KCNMA1: variants seen among roughly 807,000 people sequenced by gnomAD.
KCNMA1 encodes the protein potassium calcium-activated channel subfamily M alpha 1, also known as Calcium-activated potassium channel subunit alpha-1.
In KCNMA1, 29 loss-of-function variants were observed where a neutral mutation model predicts 140.0. That is an observed-to-expected ratio of 0.21 (90% CI 0.15 to 0.28). The LOEUF is 0.28. Among genes scored for constraint, KCNMA1 ranks in the 10% least tolerant of loss-of-function variants. The pLI, the probability that KCNMA1 is intolerant of heterozygous loss-of-function variation, is 1.00. For missense variants in KCNMA1, 880 were observed against 1,602.2 expected (o/e 0.55, Z 7.70); for synonymous variants, 612 against 611.9 (o/e 1.00, Z 0.00).
intron 25 of KCNMA1, among the ~76,000 whole-genome samples, chr10:76,897,011 T>TAC (rs3067677): frequency 0.11 from 15,650 of 142,648 alleles, 884 homozygotes; most frequent in African/African-American, 0.16. Flanking sequence ...AGGTGAAAAT[T>TAC]ACACACACAC....
At chr10:77,440,722 G>A (rs1194054101) in intron 1 of KCNMA1, among the ~76,000 whole-genome samples, 2 of 152,222 alleles carry the variant, frequency 1.3e-5, no homozygotes, top group Non-Finnish European at 1.5e-5. Flanking sequence ...AGGAAGCCTG[G>A]GAGGTTAAAT....
At chr10:77,177,544 G>T (rs921820125) in intron 5 of KCNMA1, among the ~76,000 whole-genome samples, 7 of 146,818 alleles carry the variant, frequency 4.8e-5, no homozygotes, top group Admixed American at 2.1e-4. Flanking sequence ...TTACTATGTT[G>T]CCCAGGTTGG....
At chr10:77,575,511 C>G (rs1311812148) in intron 1 of KCNMA1, among the ~76,000 whole-genome samples, 1 of 152,214 alleles carries the variant, frequency 6.6e-6, no homozygotes, top group Non-Finnish European at 1.5e-5. Context: ...AGCCCACTTT[C>G]TGGTGTGCCT....
At chr10:77,227,886 T>C (rs565144509) in intron 3 of KCNMA1, among the ~76,000 whole-genome samples, 1 of 152,130 alleles carries the variant, frequency 6.6e-6, no homozygotes, top group South Asian at 2.1e-4. Flanking sequence ...CTACCTACCC[T>C]GTAAGATGTT....
chr10:76,953,886 T>A lies in KCNMA1; in HGVS notation c.2399A>T (p.Asp800Val), dbSNP rs1406016698. The stretch of plus-strand genomic sequence containing the variant: ...CTTCTTCACATTGGAGTCCATGTTG[T>A]CAATCTGATCATTGCCAGGAATTAA... ...PLLIPGNDQI[D>V]NMDSNVKKYD... The change falls in exon 21 of 28, where the codon GAC becomes GTC. Residue 800 changes from aspartate (D) to valine (V), a missense_variant. Transcript: ENST00000286628. 1 of 1,613,990 alleles carries A rather than the reference T, an allele frequency of 6.2e-7. No homozygotes were observed. The highest frequency in any genetic ancestry group is 8.5e-7 in the Non-Finnish European group (1 of 1,179,886).
At chr10:77,619,452 T>TC (rs1341603367) in intron 1 of KCNMA1, among the ~76,000 whole-genome samples, 1 of 152,048 alleles carries the variant, frequency 6.6e-6, no homozygotes, top group Admixed American at 6.6e-5. Flanking sequence ...CCAGGGTTCT[T>TC]CCAACATAGC....
downstream of KCNMA1, among the ~76,000 whole-genome samples, chr10:76,882,428 C>T (rs942432380): frequency 6.6e-6 from 1 of 152,070 alleles, no homozygotes; most frequent in South Asian, 2.1e-4. Context: ...TTTCCTGTCC[C>T]GCGCTTGTGA....
rs1412599454 is a variant in KCNMA1 at position 76,970,083 on chromosome 10, GC to G, written c.2267-17del. 1 of 1,604,184 alleles carries G rather than the reference GC, an allele frequency of 6.2e-7. No individual in the cohort carries two copies. Among genetic ancestry groups the G allele is most frequent in the South Asian group, 1.1e-5 (1 of 90,884 alleles). On this transcript the variant is annotated splice_polypyrimidine_tract_variant and intron_variant, in intron 19 of 27. Transcript: ENST00000286628. ...TCATCTTCAACTGGAAATACAGGCA[GC>G]TCATGAGATTATGAACAGTTTGAGG... is the stretch of plus-strand genomic sequence containing the variant.
At chr10:76,980,953 G>A (rs111464842) in intron 19 of KCNMA1, among the ~76,000 whole-genome samples, 3,595 of 152,272 alleles carry the variant, frequency 0.024, 160 homozygotes, top group African/African-American at 0.081. Flanking sequence ...CCAATAAAAT[G>A]AGAATTAGAG....
At chr10:77,577,454 G>A (rs1184476713) in intron 1 of KCNMA1, among the ~76,000 whole-genome samples, 1 of 152,102 alleles carries the variant, frequency 6.6e-6, no homozygotes, top group Non-Finnish European at 1.5e-5. Flanking sequence ...CCGAGACTCA[G>A]CCTCCTTCCA....
intron 23 of KCNMA1, among the ~76,000 whole-genome samples, chr10:76,924,665 G>A (rs1403058353): frequency 6.6e-6 from 1 of 152,132 alleles, no homozygotes; most frequent in East Asian, 1.9e-4. Context: ...TAAGGAGACT[G>A]AAGTTCTGAG....
chr10:77,457,582 G>A (rs1473322874), intron 1 of KCNMA1, among the ~76,000 whole-genome samples: 1 of 152,084 alleles, frequency 6.6e-6, no homozygotes, highest in Non-Finnish European at 1.5e-5. Context: ...TCTCTGGGCT[G>A]CCTCTCCATT....
chr10:77,072,735 G>C (rs1462747275), intron 14 of KCNMA1, among the ~76,000 whole-genome samples: 1 of 152,130 alleles, frequency 6.6e-6, no homozygotes, highest in Non-Finnish European at 1.5e-5. Flanking sequence ...CCAGCCACTT[G>C]ATATAAAAGA....
chr10:77,472,000 CCA>C (rs1215922750), intron 1 of KCNMA1, among the ~76,000 whole-genome samples: 4 of 147,458 alleles, frequency 2.7e-5, no homozygotes, highest in East Asian at 4.0e-4. Flanking sequence ...CATACACACA[CCA>C]CACACACATA....
chr10:77,488,788 C>G (rs879623269), intron 1 of KCNMA1, among the ~76,000 whole-genome samples: 2 of 152,238 alleles, frequency 1.3e-5, no homozygotes, highest in African/African-American at 4.8e-5. Flanking sequence ...GCAGAGGACA[C>G]TCTGTTCCCC....
At chr10:77,425,122 T>G (rs1304842260) in intron 1 of KCNMA1, among the ~76,000 whole-genome samples, 2 of 151,708 alleles carry the variant, frequency 1.3e-5, no homozygotes, top group African/African-American at 2.4e-5. Context: ...GATGGATGGA[T>G]GGATGGATGG....
rs11002028 is a variant in KCNMA1 at position 77,129,447 on chromosome 10, G to A, written c.809-8399C>T. Among the ~76,000 whole-genome samples the A allele has an allele frequency of 8.8e-3, 1,335 of 152,094 alleles. 70 individuals carry two copies. The East Asian group carries it at 0.14, about 16-fold the overall frequency. ...TTTTTTCTCCAAATAGCAAATTTCC[G>A]TTAATCCGAGTAATCACTTGAGTAA... On this transcript the variant is annotated intron_variant, in intron 5 of 27. Transcript: ENST00000286628.
At chr10:77,600,605 G>A (rs545429623) in intron 1 of KCNMA1, among the ~76,000 whole-genome samples, 14 of 152,222 alleles carry the variant, frequency 9.2e-5, no homozygotes, top group African/African-American at 2.4e-4. Context: ...AAAATTAGCC[G>A]GGCTTGGTGG....
intron 3 of KCNMA1, among the ~76,000 whole-genome samples, chr10:77,190,994 T>G (rs771188769): frequency 6.6e-6 from 1 of 152,124 alleles, no homozygotes; most frequent in Non-Finnish European, 1.5e-5. Flanking sequence ...ATTAATAAGC[T>G]TTGCATCCCA....
Sources: gnomAD v4.1 joint callset for allele counts (sites outside exome capture counted in the v4.1 genomes callset) on GRCh38, gnomAD v4.1.1 for gene constraint, MANE v1.5 for transcripts, NCBI Gene and HGNC (gene_info 2026-07-23, HGNC 2026-07-21) for gene names.